Variants in TTBK2 observed in about 807,000 individuals in gnomAD.
TTBK2 encodes the protein tau-tubulin kinase 2.
A neutral mutation model predicts 110.8 loss-of-function variants in TTBK2; 28 were observed. That is an observed-to-expected ratio of 0.25 (90% CI 0.19 to 0.35). The LOEUF is 0.35. Ranked by LOEUF, TTBK2 falls within the 10% of genes least tolerant of loss-of-function variation. The pLI is 1.00. For synonymous variants in TTBK2, 532 were observed against 527.3 expected (o/e 1.01, Z -0.12); for missense variants, 1,369 against 1,500.3 (o/e 0.91, Z 1.45).
intron 2 of TTBK2, among the ~76,000 whole-genome samples, chr15:42,877,616 T>C (rs1172905152): frequency 6.6e-6 from 1 of 152,212 alleles, no homozygotes; most frequent in East Asian, 1.9e-4. Context: ...ATCAGGAGAA[T>C]GTGAAAACTA....
At chr15:42,812,836 T>C (rs1309102644) in intron 7 of TTBK2, among the ~76,000 whole-genome samples, 2 of 151,162 alleles carry the variant, frequency 1.3e-5, no homozygotes, top group Non-Finnish European at 1.5e-5. Context: ...AGCGCAATTA[T>C]AGAAATTAAA....
At chr15:42,919,949 C>T (rs2031280412) in intron 1 of TTBK2, 1 of 317,054 alleles carries the variant, frequency 3.2e-6, no homozygotes, top group South Asian at 1.3e-4. Context: ...CAGATCATTA[C>T]TTCAGCACCC....
chr15:42,766,088 C>G (rs935390525), intron 13 of TTBK2, among the ~76,000 whole-genome samples: 2 of 152,100 alleles, frequency 1.3e-5, no homozygotes. Context: ...TTGTCACCTC[C>G]AGGCCTGCCT....
intron 3 of TTBK2, among the ~76,000 whole-genome samples, chr15:42,850,810 T>G (rs1893670447): frequency 6.6e-6 from 1 of 152,064 alleles, no homozygotes; most frequent in Admixed American, 6.6e-5. Context: ...TTGTATGACC[T>G]GTGGACTTTT....
chr15:42,880,565 T>C lies in TTBK2; in HGVS notation c.-67-1881A>G, dbSNP rs117983386. On this transcript the variant is annotated intron_variant, in intron 1 of 14. Transcript: ENST00000267890. Reference sequence around the variant, plus strand: ...CCATACCTGGATAACATTGTTTGTTTGTTTATTTTTAATAGACAGGGTCTC... The same window carrying C: ...CCATACCTGGATAACATTGTTTGTTCGTTTATTTTTAATAGACAGGGTCTC... 2.1e-3 allele frequency among the ~76,000 whole-genome samples: 316 copies of C among 152,180 alleles called. 10 individuals are homozygous for C. In the East Asian group the frequency reaches 0.057, roughly 27 times the overall value.
intron 9 of TTBK2, among the ~76,000 whole-genome samples, chr15:42,799,802 T>G (rs962404935): frequency 1.6e-4 from 24 of 152,138 alleles, no homozygotes; most frequent in African/African-American, 5.6e-4. Context: ...CTTGCACTTA[T>G]GAATAAGAAG....
At chr15:42,769,957 G>A (rs1037534653) in intron 13 of TTBK2, among the ~76,000 whole-genome samples, 31 of 152,048 alleles carry the variant, frequency 2.0e-4, no homozygotes, top group African/African-American at 6.3e-4. Flanking sequence ...TTGCAGGGAC[G>A]TGGATGCAGC....
At chr15:42,908,404 A>C (rs2030542159) in intron 1 of TTBK2, 1 of 152,174 alleles carries the variant, frequency 6.6e-6, no homozygotes, top group South Asian at 2.1e-4. Flanking sequence ...CTAGGAGTTC[A>C]AAGCTGCAGT....
chr15:42,908,667 T>C (rs1596048673), intron 1 of TTBK2, among the ~76,000 whole-genome samples: 1 of 152,202 alleles, frequency 6.6e-6, no homozygotes, highest in East Asian at 1.9e-4. Context: ...TCGTCCAGTG[T>C]ACATGCCAAG....
chr15:42,840,238 G>A, intron 4 of TTBK2, 122 bp downstream of exon 4: 1 of 897,550 alleles, frequency 1.1e-6, no homozygotes, highest in Non-Finnish European at 1.9e-6. Context: ...AGTTCCATCT[G>A]CATAGTATAA....
chr15:42,903,984 A>G (rs2065988825), intron 1 of TTBK2, among the ~76,000 whole-genome samples: 2 of 152,188 alleles, frequency 1.3e-5, no homozygotes, highest in Non-Finnish European at 2.9e-5. Context: ...ATAGACCAAT[A>G]GCTAGCAAGG....
intron 3 of TTBK2, among the ~76,000 whole-genome samples, chr15:42,861,442 GATCT>G (rs774463782): frequency 1.3e-5 from 2 of 152,012 alleles, no homozygotes; most frequent in African/African-American, 2.4e-5. Flanking sequence ...ATACCAAAAA[GATCT>G]ATCAAAACTA....
At chr15:42,856,332 G>C (rs904791647) in intron 3 of TTBK2, among the ~76,000 whole-genome samples, 5 of 152,020 alleles carry the variant, frequency 3.3e-5, no homozygotes, top group African/African-American at 1.2e-4. Flanking sequence ...GCCATATCCA[G>C]ATTTCGGACT....
intron 3 of TTBK2, among the ~76,000 whole-genome samples, chr15:42,847,519 T>C (rs989986097): frequency 3.9e-5 from 6 of 152,248 alleles, no homozygotes; most frequent in East Asian, 1.9e-4. Context: ...ACAAAGATCT[T>C]CTCCATGTTT....
intron 10 of TTBK2, among the ~76,000 whole-genome samples, chr15:42,790,924 T>C (rs1000247286): frequency 2.6e-5 from 4 of 151,696 alleles, no homozygotes; most frequent in Admixed American, 2.0e-4. Context: ...CGCTCTGTCA[T>C]CCAGGCTGGA....
intron 13 of TTBK2, among the ~76,000 whole-genome samples, chr15:42,762,745 G>T (rs923463229): frequency 6.6e-6 from 1 of 151,584 alleles, no homozygotes; most frequent in Non-Finnish European, 1.5e-5. Flanking sequence ...ATAAATAAAA[G>T]AAAATGTGGT....
intron 14 of TTBK2, among the ~76,000 whole-genome samples, chr15:42,747,871 AT>A (rs2061817135): frequency 6.6e-6 from 1 of 152,192 alleles, no homozygotes; most frequent in African/African-American, 2.4e-5. Flanking sequence ...GAGTATTGCA[AT>A]ATCACTAACT....
At chr15:42,774,856 C>T (rs767502123) in intron 13 of TTBK2, among the ~76,000 whole-genome samples, 1 of 152,166 alleles carries the variant, frequency 6.6e-6, no homozygotes, top group Admixed American at 6.5e-5. Context: ...TATAAACACA[C>T]ATAGATAGCT....
In TTBK2 at chr15:42,806,814, G is replaced by A. The variant is rs542396316; in HGVS notation, c.822+3800C>T. On this transcript the variant is annotated intron_variant, in intron 9 of 14. Transcript: ENST00000267890. ...TCTTAAAACATTATGAGATTTTTTTGTGATTTTTTTTTTTTTTGGCTCATC... is the reference window on the plus strand; with the variant it reads ...TCTTAAAACATTATGAGATTTTTTTATGATTTTTTTTTTTTTTGGCTCATC... 1.3e-3 allele frequency among the ~76,000 whole-genome samples: 179 copies of A among 141,986 alleles called. 1 individual carries two copies. The highest frequency in any genetic ancestry group is 4.6e-3 in the African/African-American group (170 of 36,800). The allele number at this position is 141,986 out of a possible 152,430, so 93.1% of individuals were successfully genotyped here.
Sources: allele counts gnomAD v4.1 joint callset (sites outside exome capture counted in the v4.1 genomes callset), GRCh38; gene constraint gnomAD v4.1.1; transcripts MANE v1.5; gene names NCBI Gene and HGNC (gene_info 2026-07-23, HGNC 2026-07-21).